Variants in PKD2 observed in about 807,000 individuals in gnomAD.
The protein encoded by PKD2 is polycystin-2.
A neutral mutation model predicts 105.9 loss-of-function variants in PKD2; 48 were observed. The observed-to-expected ratio is 0.45, with a 90% confidence interval of 0.36 to 0.58. The LOEUF is 0.58. Among genes scored for constraint, PKD2 ranks in the 20% least tolerant of loss-of-function variants. PKD2 has a pLI of 0.00. For missense variants in PKD2, 1,078 were observed against 1,255.3 expected (o/e 0.86, Z 2.13); for synonymous variants, 464 against 481.1 (o/e 0.96, Z 0.46).
chr4:88,028,644 G>C (rs893810429), intron 2 of PKD2, among the ~76,000 whole-genome samples: 5 of 152,202 alleles, frequency 3.3e-5, no homozygotes, highest in Admixed American at 1.3e-4. Flanking sequence ...GTAGAGTATT[G>C]GTTGTTTATT....
At chr4:88,051,303 A>G (rs548189038) in intron 6 of PKD2, among the ~76,000 whole-genome samples, 3 of 152,154 alleles carry the variant, frequency 2.0e-5, no homozygotes, top group Admixed American at 6.5e-5. Context: ...CTTTGTTCTC[A>G]TGGGCACTCA....
intron 2 of PKD2, among the ~76,000 whole-genome samples, chr4:88,033,657 A>G (rs970873545): frequency 6.6e-6 from 1 of 152,202 alleles, no homozygotes; most frequent in African/African-American, 2.4e-5. Flanking sequence ...ACTTATATAT[A>G]GTTATACCAT....
chr4:88,031,338 T>TGTA (rs1211136854), intron 2 of PKD2, among the ~76,000 whole-genome samples: 1 of 152,262 alleles, frequency 6.6e-6, no homozygotes, highest in African/African-American at 2.4e-5. Flanking sequence ...AACTCTACTA[T>TGTA]AAGTCAAGGA....
intron 6 of PKD2, among the ~76,000 whole-genome samples, chr4:88,049,624 C>T (rs1367305154): frequency 6.6e-6 from 1 of 152,120 alleles, no homozygotes; most frequent in Admixed American, 6.6e-5. Flanking sequence ...GCCTTCTGCT[C>T]ACCCACAAAA....
rs148081816 is a variant in PKD2 at position 88,031,571 on chromosome 4, A to G, written c.710-4649A>G. Among the ~76,000 whole-genome samples the G allele has an allele frequency of 7.0e-3, 1,070 of 152,208 alleles. 11 individuals carry two copies. Among genetic ancestry groups the G allele is most frequent in the African/African-American group, 0.025 (1,019 of 41,518 alleles). On this transcript the variant is annotated intron_variant, in intron 2 of 14. Coordinates refer to ENST00000237596, the MANE Select transcript of PKD2 (RefSeq NM_000297.4). ...ATATATCTAGTACAGTTATATTTTT[A>G]TGGCAGCTCTGATTTCTTCTTTGGC...
In PKD2 at chr4:88,068,079, G is replaced by C. The variant is rs761792182; in HGVS notation, c.2522+18G>C. ...TTTCAAGTGTAAGTATAAAGGAATT[G>C]GCAGAATTTGCGTTGACAAGAGTCC... On this transcript the variant is annotated intron_variant, in intron 13 of 14. Coordinates refer to ENST00000237596, the MANE Select transcript of PKD2 (RefSeq NM_000297.4). The C allele has an allele frequency of 1.2e-6, 2 of 1,611,326 alleles. No individual in the cohort carries two copies. Among genetic ancestry groups the C allele is most frequent in the Admixed American group, 3.3e-5 (2 of 60,018 alleles).
At chr4:88,023,300 G>T (rs1289710338) in intron 2 of PKD2, among the ~76,000 whole-genome samples, 1 of 152,078 alleles carries the variant, frequency 6.6e-6, no homozygotes, top group Non-Finnish European at 1.5e-5. Context: ...AAGAGAGAGA[G>T]AATGGGGCAG....
intron 9 of PKD2, among the ~76,000 whole-genome samples, chr4:88,060,333 T>A (rs1720522445): frequency 6.6e-6 from 1 of 152,118 alleles, no homozygotes; most frequent in African/African-American, 2.4e-5. Context: ...TACAGAATTG[T>A]AAACAATATT....
intron 1 of PKD2, among the ~76,000 whole-genome samples, chr4:88,015,999 T>A (rs1560596192): frequency 6.6e-6 from 1 of 152,158 alleles, no homozygotes; most frequent in South Asian, 2.1e-4. Flanking sequence ...CCACCTCAGA[T>A]CATCAGGCAT....
At chr4:88,042,978 C>T (rs543635567) in intron 4 of PKD2, among the ~76,000 whole-genome samples, 2 of 152,310 alleles carry the variant, frequency 1.3e-5, no homozygotes, top group East Asian at 3.9e-4. Flanking sequence ...ACAGCCCTGG[C>T]ATTGGTTCCC....
At chr4:88,073,610 A>C (rs991581020) in intron 13 of PKD2, among the ~76,000 whole-genome samples, 3 of 151,572 alleles carry the variant, frequency 2.0e-5, no homozygotes, top group Non-Finnish European at 4.4e-5. Context: ...CCTAGACTGG[A>C]AGTTGGGGGA....
At position 88,061,785 on chromosome 4, in the gene PKD2, T is replaced by G. The variant is rs960845005; in HGVS notation, c.2020-121T>G. 16 of 528,768 alleles carry G rather than the reference T, an allele frequency of 3.0e-5. No homozygotes were observed. The South Asian group carries it at 3.5e-4, about 11-fold the overall frequency. The allele number at this position is 528,768 out of a possible 1,614,324, so 32.8% of individuals were successfully genotyped here. A position where few individuals can be genotyped will look rare whatever the true frequency, so the allele number is the denominator to read the frequency against. ...ATAAATAAATAATAAATTTATGTCT[T>G]CATAAAGCACTCAGATTAGGAAAAA... On this transcript the variant is annotated intron_variant, in intron 9 of 14. Transcript: ENST00000237596.
chr4:88,058,882 T>C (rs185652862), intron 9 of PKD2, among the ~76,000 whole-genome samples: 1 of 152,180 alleles, frequency 6.6e-6, no homozygotes, highest in African/African-American at 2.4e-5. Flanking sequence ...AATTGTCTAC[T>C]GAGAAGGTGT....
intron 3 of PKD2, 88 bp from the exon 4 acceptor site, chr4:88,038,163 C>T (rs1727408245): frequency 1.5e-6 from 2 of 1,366,102 alleles, no homozygotes; most frequent in Non-Finnish European, 2.1e-6. Flanking sequence ...ATAGAGTTGC[C>T]AAATGCTTGG....
At chr4:88,068,827 G>T (rs373214411) in intron 13 of PKD2, among the ~76,000 whole-genome samples, 1 of 152,152 alleles carries the variant, frequency 6.6e-6, no homozygotes, top group Non-Finnish European at 1.5e-5. Context: ...TGGTATTCAC[G>T]TTTGAAAGTG....
chr4:88,074,618 G>A (rs1181340232), intron 13 of PKD2, among the ~76,000 whole-genome samples, 194 bp from the exon 14 acceptor site: 1 of 152,202 alleles, frequency 6.6e-6, no homozygotes, highest in African/African-American at 2.4e-5. Context: ...CTGACTTGCA[G>A]GAAAGTTGTT....
chr4:88,033,548 T>C (rs942401964), intron 2 of PKD2, among the ~76,000 whole-genome samples: 1 of 152,152 alleles, frequency 6.6e-6, no homozygotes, highest in African/African-American at 2.4e-5. Flanking sequence ...TTGGTGAAGC[T>C]ATTAAAGCCA....
rs529702886 is a variant in PKD2, at chr4:88,058,394, C to G, written c.2019+291C>G. 1.2e-4 allele frequency among the ~76,000 whole-genome samples: 19 copies of G among 152,144 alleles called. No individual in the cohort carries two copies. In the South Asian group the frequency reaches 3.9e-3, roughly 32 times the overall value. On this transcript the variant is annotated intron_variant, in intron 9 of 14. Transcript: ENST00000237596. ...TTCTCTCTCTATATATGTATCTATT[C>G]CATGCAAAAAAGAAATTAGATCAAG...
At chr4:88,064,614 CA>C (rs1217519276) in intron 10 of PKD2, among the ~76,000 whole-genome samples, 5 of 152,140 alleles carry the variant, frequency 3.3e-5, no homozygotes, top group Admixed American at 1.3e-4. Context: ...AATCCTCGGC[CA>C]GGGGCAGTGG....
Sources: allele counts gnomAD v4.1 joint callset (sites outside exome capture counted in the v4.1 genomes callset), GRCh38; gene constraint gnomAD v4.1.1; transcripts MANE v1.5; gene names NCBI Gene and HGNC (gene_info 2026-07-23, HGNC 2026-07-21).